Variants in CSMD1 observed in about 807,000 individuals in gnomAD.
CSMD1 encodes the protein CUB and sushi domain-containing protein 1.
A neutral mutation model predicts 417.5 loss-of-function variants in CSMD1; 213 were observed. The ratio of observed to expected loss-of-function variants is 0.51; its 90% CI spans 0.46 to 0.57. The LOEUF is 0.57. Ranked by LOEUF, CSMD1 falls within the 20% of genes least tolerant of loss-of-function variation. The pLI, the probability that CSMD1 is intolerant of heterozygous loss-of-function variation, is 0.00. For synonymous variants in CSMD1, 2,862 were observed against 1,736.8 expected (o/e 1.65, Z -16.11); for missense variants, 6,923 against 4,529.7 (o/e 1.53, Z -15.17).
chr8:3,883,803 C>T (rs1399685276), intron 5 of CSMD1, among the ~76,000 whole-genome samples: 1 of 151,922 alleles, frequency 6.6e-6, no homozygotes, highest in East Asian at 1.9e-4. Flanking sequence ...CTTAAACAAT[C>T]CCATTAACAA....
At chr8:3,746,958 A>T (rs192102025) in intron 6 of CSMD1, among the ~76,000 whole-genome samples, 1 of 152,262 alleles carries the variant, frequency 6.6e-6, no homozygotes, top group African/African-American at 2.4e-5. Flanking sequence ...CAGTCTGAGA[A>T]ATAAAGCTGT....
intron 49 of CSMD1, among the ~76,000 whole-genome samples, chr8:3,056,556 G>T (rs1205711913): frequency 6.6e-6 from 1 of 151,890 alleles, no homozygotes; most frequent in South Asian, 2.1e-4. Flanking sequence ...TTTTTGGAGA[G>T]ACTGAGTCCC....
intron 7 of CSMD1, among the ~76,000 whole-genome samples, chr8:3,668,034 G>A (rs574468867): frequency 2.0e-5 from 3 of 152,120 alleles, no homozygotes; most frequent in Non-Finnish European, 1.5e-5. Flanking sequence ...TTCTCCCCCA[G>A]TCCCCATCCC....
chr8:4,681,246 C>T (rs892029525), intron 1 of CSMD1, among the ~76,000 whole-genome samples: 1 of 151,992 alleles, frequency 6.6e-6, no homozygotes, highest in Non-Finnish European at 1.5e-5. Context: ...CCCTAGATAT[C>T]GATATGAATA....
intron 3 of CSMD1, among the ~76,000 whole-genome samples, chr8:4,344,070 T>A (rs1053455310): frequency 2.0e-5 from 3 of 152,190 alleles, no homozygotes. Flanking sequence ...CGCACACACA[T>A]ACTCTGGCTT....
At chr8:4,017,127 A>G (rs886913034) in intron 4 of CSMD1, among the ~76,000 whole-genome samples, 3 of 152,228 alleles carry the variant, frequency 2.0e-5, no homozygotes, top group African/African-American at 4.8e-5. Context: ...GACGCTCTCC[A>G]TGCAATTGTA....
intron 5 of CSMD1, among the ~76,000 whole-genome samples, chr8:3,825,189 G>A (rs962349248): frequency 3.0e-4 from 46 of 152,088 alleles, no homozygotes; most frequent in African/African-American, 1.0e-3. Flanking sequence ...TTAGCGTGCT[G>A]ATTCCCTGAA....
At chr8:3,754,860 C>T (rs560197187) in intron 5 of CSMD1, among the ~76,000 whole-genome samples, 4 of 152,318 alleles carry the variant, frequency 2.6e-5, no homozygotes, top group South Asian at 2.1e-4. Flanking sequence ...GACTAAGAAC[C>T]TGGGCCTTTC....
At chr8:3,288,984 A>C (rs1203270750) in intron 25 of CSMD1, among the ~76,000 whole-genome samples, 1 of 143,032 alleles carries the variant, frequency 7.0e-6, no homozygotes, top group Non-Finnish European at 1.5e-5. Flanking sequence ...CACTCCCCCT[A>C]CCCCACAACA....
intron 7 of CSMD1, among the ~76,000 whole-genome samples, chr8:3,631,357 G>C (rs1447312046): frequency 6.6e-6 from 1 of 152,186 alleles, no homozygotes; most frequent in Non-Finnish European, 1.5e-5. Context: ...CTGTCACACA[G>C]TAAGAAAGCA....
chr8:4,832,900 G>C (rs1800237274), intron 1 of CSMD1, among the ~76,000 whole-genome samples: 1 of 152,070 alleles, frequency 6.6e-6, no homozygotes, highest in Non-Finnish European at 1.5e-5. Flanking sequence ...CTCCGAACTA[G>C]CTCAAGCACT....
intron 2 of CSMD1, among the ~76,000 whole-genome samples, chr8:4,421,879 T>C (rs1797267635): frequency 6.6e-6 from 1 of 151,830 alleles, no homozygotes; most frequent in Non-Finnish European, 1.5e-5. Context: ...AAAGAGCCAG[T>C]TCTTTGGGAA....
In CSMD1 at chr8:4,088,298, A is replaced by G. The variant is rs139020290; in HGVS notation, c.416-56199T>C. Among the ~76,000 whole-genome samples the G allele has an allele frequency of 3.1e-3, 467 of 152,360 alleles. 2 individuals are homozygous for G. The highest frequency in any genetic ancestry group is 0.014 in the Middle Eastern group (4 of 294). On this transcript the variant is annotated intron_variant, in intron 3 of 69. Transcript: ENST00000635120. ...TCTCAATTGCATGGCCATTGAATAC[A>G]GCCTGCAAAGCTAGAGTTCACTTTT... is the stretch of plus-strand genomic sequence containing the variant.
At chr8:4,919,478 G>T (rs966536446) in intron 1 of CSMD1, among the ~76,000 whole-genome samples, 4 of 152,036 alleles carry the variant, frequency 2.6e-5, no homozygotes, top group Non-Finnish European at 5.9e-5. Context: ...CCATTCCCTG[G>T]CTATTTGAAG....
intron 1 of CSMD1, among the ~76,000 whole-genome samples, chr8:4,898,300 C>T (rs925441093): frequency 6.6e-6 from 1 of 152,048 alleles, no homozygotes; most frequent in Non-Finnish European, 1.5e-5. Context: ...TGTATTTTTC[C>T]AAGACACCTG....
chr8:4,235,625 A>C (rs1176134713), intron 3 of CSMD1, among the ~76,000 whole-genome samples: 1 of 152,148 alleles, frequency 6.6e-6, no homozygotes, highest in Non-Finnish European at 1.5e-5. Context: ...GGCCTGCTCA[A>C]CTTACTGAGG....
intron 50 of CSMD1, among the ~76,000 whole-genome samples, chr8:3,034,653 G>A (rs571984330): frequency 1.3e-5 from 2 of 152,194 alleles, no homozygotes; most frequent in East Asian, 3.9e-4. Flanking sequence ...AGTTTAACAA[G>A]GGATTATTTA....
intron 3 of CSMD1, among the ~76,000 whole-genome samples, chr8:4,057,978 G>T (rs1361033984): frequency 1.3e-5 from 2 of 151,120 alleles, no homozygotes; most frequent in Non-Finnish European, 3.0e-5. Context: ...GATGCCTCCA[G>T]CTTTGTTCTT....
At chr8:3,937,598 T>C (rs941878133) in intron 5 of CSMD1, among the ~76,000 whole-genome samples, 1 of 152,174 alleles carries the variant, frequency 6.6e-6, no homozygotes. Context: ...TAATATGCAC[T>C]GGGGAACCCA....
Sources: gnomAD v4.1 joint callset for allele counts (sites outside exome capture counted in the v4.1 genomes callset) on GRCh38, gnomAD v4.1.1 for gene constraint, MANE v1.5 for transcripts, NCBI Gene and HGNC (gene_info 2026-07-23, HGNC 2026-07-21) for gene names.